Variants in AAK1 observed in about 807,000 individuals in gnomAD.
The protein encoded by AAK1 is AP2 associated kinase 1.
In AAK1, 37 loss-of-function variants were observed where a neutral mutation model predicts 116.0. The ratio of observed to expected loss-of-function variants is 0.32; its 90% CI spans 0.25 to 0.42. The LOEUF is 0.42. Among genes scored for constraint, AAK1 ranks in the 10% least tolerant of loss-of-function variants. The pLI, the probability that AAK1 is intolerant of heterozygous loss-of-function variation, is 1.00. For synonymous variants in AAK1, 458 were observed against 439.9 expected, an observed-to-expected ratio of 1.04 and a Z score of -0.51; for missense variants, 919 against 1,170.6, an observed-to-expected ratio of 0.79 and a Z score of 3.14.
At chr2:69,603,101 G>A (rs1673650690) in intron 2 of AAK1, among the ~76,000 whole-genome samples, 1 of 152,144 alleles carries the variant, frequency 6.6e-6, no homozygotes, top group South Asian at 2.1e-4. Context: ...ATCAGTTATG[G>A]AAGTCAAAAA....
At chr2:69,620,549 C>T (rs192526846) in intron 2 of AAK1, among the ~76,000 whole-genome samples, 1 of 152,330 alleles carries the variant, frequency 6.6e-6, no homozygotes, top group East Asian at 1.9e-4. Context: ...CTTCTGAATG[C>T]TCTTGCAGAG....
intron 2 of AAK1, among the ~76,000 whole-genome samples, chr2:69,626,134 A>T (rs1163259032): frequency 6.6e-6 from 1 of 151,864 alleles, no homozygotes; most frequent in East Asian, 1.9e-4. Context: ...TCTTTGGGTT[A>T]CTCCATCAAT....
chr2:69,634,060 C>T (rs1375275981), intron 2 of AAK1, among the ~76,000 whole-genome samples: 1 of 152,190 alleles, frequency 6.6e-6, no homozygotes, highest in African/African-American at 2.4e-5. Flanking sequence ...GTTCCAGCTA[C>T]TCGAGAGGCT....
At chr2:69,594,909 T>A (rs12620535) in intron 2 of AAK1, 4 of 1,333,168 alleles carry the variant, frequency 3.0e-6, no homozygotes, top group Non-Finnish European at 4.3e-6. Context: ...TCGGCTTAGT[T>A]TGCCCACTAC....
At chr2:69,510,775 G>C (rs1676362318) in intron 13 of AAK1, among the ~76,000 whole-genome samples, 1 of 152,102 alleles carries the variant, frequency 6.6e-6, no homozygotes, top group Admixed American at 6.6e-5. Flanking sequence ...AAAATATGTA[G>C]CATTAGTTTA....
chr2:69,514,686 C>G lies in AAK1; in HGVS notation c.1561G>C (p.Gly521Arg). 6.2e-7 allele frequency: 1 copy of G among 1,613,508 alleles called. No individual in the cohort carries two copies. Among genetic ancestry groups the G allele is most frequent in the Non-Finnish European group, 8.5e-7 (1 of 1,179,674 alleles). Residue 521 changes from glycine (G) to arginine (R), a missense_variant, in exon 13 of 22, where the codon GGA (glycine) becomes CGA (arginine). This residue lies in a region of AAK1 where 214 missense variants were observed against 210.6 expected (regional missense o/e 1.02). Transcript: ENST00000409085. ...AIAQFPVVSQ[G>R]GSQQQLMQNF... ...TGCATTAGCTGCTGTTGAGAGCCTC[C>G]TTGGGACACCACAGGGAACTGAGCA...
chr2:69,527,452 T>C, intron 8 of AAK1, 133 bp from the exon 9 acceptor site: 1 of 614,502 alleles, frequency 1.6e-6, no homozygotes, highest in South Asian at 2.1e-5. Context: ...GACAGTATAA[T>C]TATCCCCTTT....
chr2:69,562,766 T>C (rs547635307), intron 2 of AAK1, among the ~76,000 whole-genome samples: 1 of 152,292 alleles, frequency 6.6e-6, no homozygotes, highest in South Asian at 2.1e-4. Context: ...GGTGTGCGCC[T>C]GTAGTCCCAG....
intron 2 of AAK1, among the ~76,000 whole-genome samples, chr2:69,627,248 C>G (rs1674944960): frequency 1.3e-5 from 2 of 150,072 alleles, no homozygotes; most frequent in Non-Finnish European, 3.0e-5. Context: ...GAGACTGCAC[C>G]ATTACACTCC....
At chr2:69,574,450 T>A (rs569568112) in intron 2 of AAK1, among the ~76,000 whole-genome samples, 8 of 150,238 alleles carry the variant, frequency 5.3e-5, no homozygotes, top group African/African-American at 1.7e-4. Flanking sequence ...TGTATGCCTG[T>A]AGTCCCAGCT....
intron 15 of AAK1, 119 bp downstream of exon 15, chr2:69,507,302 C>A: frequency 1.6e-6 from 2 of 1,266,062 alleles, no homozygotes; most frequent in Admixed American, 2.7e-5. Flanking sequence ...TGCAAAGGCC[C>A]AAGCCTACGT....
At chr2:69,546,515 C>A (rs887219409) in intron 3 of AAK1, among the ~76,000 whole-genome samples, 1 of 152,122 alleles carries the variant, frequency 6.6e-6, no homozygotes, top group Non-Finnish European at 1.5e-5. Flanking sequence ...ATCATATCCT[C>A]CAAATATTCA....
rs1318946736 is a variant in AAK1, at chr2:69,467,554, C to G, written c.*8315G>C. On this transcript the variant is annotated 3_prime_UTR_variant, in exon 22 of 22. Transcript: ENST00000409085. ...GGTAAAGGTATCATTTCATCATGGG[C>G]TCAGTAAAGAGATACTACTGGAGTT... The G allele has an allele frequency of 1.0e-6, 1 of 985,200 alleles. No individual in the cohort carries two copies. Among genetic ancestry groups the G allele is most frequent in the East Asian group, 1.1e-4 (1 of 8,826 alleles). The allele number at this position is 985,200 out of a possible 1,614,324, so 61.0% of individuals were successfully genotyped here.
In AAK1 at chr2:69,472,147, T is replaced by C; in HGVS notation, c.*3722A>G. 1.0e-6 allele frequency: 1 copy of C among 984,070 alleles called. No homozygotes were observed. Among genetic ancestry groups the C allele is most frequent in the Non-Finnish European group, 1.2e-6 (1 of 828,680 alleles). The allele number at this position is 984,070 out of a possible 1,614,324, so 61.0% of individuals were successfully genotyped here. A position where few individuals can be genotyped will look rare whatever the true frequency, so the allele number is the denominator to read the frequency against. ...TATTCAGAAAATTACAGAAATTAAG[T>C]CTTAATCATGTTCACTTTCTATTAT... On this transcript the variant is annotated 3_prime_UTR_variant, in exon 22 of 22. Transcript: ENST00000409085.
intron 2 of AAK1, among the ~76,000 whole-genome samples, chr2:69,577,825 AT>A (rs1672375467): frequency 6.6e-6 from 1 of 151,808 alleles, no homozygotes; most frequent in Admixed American, 6.6e-5. Context: ...GCACATTCCC[AT>A]GGGGGCTAGC....
In AAK1 at chr2:69,643,156, G is replaced by A; in HGVS notation, c.-116C>T. ...TCTTCTCAGATTTCACCTCGGAGAG[G>A]AGCCACCCGAATCCGGCCGTGGGGG... On this transcript the variant is annotated 5_prime_UTR_variant, in exon 2 of 22. Coordinates refer to ENST00000409085, the MANE Select transcript of AAK1 (RefSeq NM_014911.5). 1 of 1,433,224 alleles carries A rather than the reference G, an allele frequency of 7.0e-7. No homozygotes were observed. Among genetic ancestry groups the A allele is most frequent in the Non-Finnish European group, 9.1e-7 (1 of 1,103,236 alleles). The allele number at this position is 1,433,224 out of a possible 1,614,324, so 88.8% of individuals were successfully genotyped here.
chr2:69,640,053 A>T (rs13017678), intron 2 of AAK1, among the ~76,000 whole-genome samples: 20,931 of 89,470 alleles, frequency 0.23, 2,013 homozygotes, highest in East Asian at 0.29. Context: ...ACACACACAC[A>T]CTCTCTCTCT....
At chr2:69,516,007 T>C (rs1676565881) in intron 12 of AAK1, among the ~76,000 whole-genome samples, 1 of 152,168 alleles carries the variant, frequency 6.6e-6, no homozygotes, top group African/African-American at 2.4e-5. Context: ...CCACTATATA[T>C]GGGTTGGTGG....
At chr2:69,547,885 C>T (rs1377600644) in intron 3 of AAK1, among the ~76,000 whole-genome samples, 1 of 152,058 alleles carries the variant, frequency 6.6e-6, no homozygotes, top group African/African-American at 2.4e-5. Context: ...ATTCATACAA[C>T]AGAATATCAC....
Sources: gnomAD v4.1 joint callset for allele counts (sites outside exome capture counted in the v4.1 genomes callset) on GRCh38, gnomAD v4.1.1 for gene constraint, gnomAD v4.1.1 regional missense constraint, MANE v1.5 for transcripts, NCBI Gene and HGNC (gene_info 2026-07-23, HGNC 2026-07-21) for gene names.